The following ADGRB3 variants were observed in gnomAD, a reference collection of about 807,000 sequenced individuals.
ADGRB3 encodes the protein adhesion G protein-coupled receptor B3, also known as brain-specific angiogenesis inhibitor 3.
Under a neutral mutation model 193.4 loss-of-function variants are expected in ADGRB3, and 37 were observed. The observed-to-expected ratio is 0.19, with a 90% CI of 0.15 to 0.25. The LOEUF (loss-of-function observed/expected upper bound fraction) is 0.25. ADGRB3 is among the 10% of genes least tolerant of loss of function. The probability of loss-of-function intolerance (pLI) is 1.00; values close to 1 mark genes in which losing one functional copy is unlikely to be tolerated. For synonymous variants in ADGRB3, 690 were observed against 644.2 expected, an observed-to-expected ratio of 1.07 and a Z score of -1.08; for missense variants, 1,637 against 1,852.9, an observed-to-expected ratio of 0.88 and a Z score of 2.14.
chr6:68,927,220 A>G (rs1456995151), intron 3 of ADGRB3, among the ~76,000 whole-genome samples: 1 of 152,136 alleles, frequency 6.6e-6, no homozygotes, highest in Non-Finnish European at 1.5e-5. Context: ...CTTGCTTTCC[A>G]TTGCTTTCAC....
rs117199689 is a variant in ADGRB3 at position 69,264,836 on chromosome 6, C to T, written c.2814+25610C>T. 6.6e-5 allele frequency among the ~76,000 whole-genome samples: 10 copies of T among 152,008 alleles called. No homozygotes were observed. In the East Asian group the frequency reaches 1.9e-3, roughly 29 times the overall value. On this transcript the variant is annotated intron_variant, in intron 20 of 31. Transcript: ENST00000370598. ...TGTAAACCAGCTATTCTACAATACT[C>T]TCAGGGTTTTGTTCATTTTTGTATT...
At chr6:69,190,015 G>A (rs757392453) in intron 17 of ADGRB3, among the ~76,000 whole-genome samples, 25 of 152,016 alleles carry the variant, frequency 1.6e-4, no homozygotes, top group Non-Finnish European at 2.8e-4. Flanking sequence ...ACAAACATAC[G>A]GTATTGCCTT....
At chr6:68,855,255 A>C (rs996269958) in intron 3 of ADGRB3, among the ~76,000 whole-genome samples, 4 of 152,238 alleles carry the variant, frequency 2.6e-5, no homozygotes, top group African/African-American at 9.6e-5. Context: ...AAAGACAATA[A>C]AAACTCTGAT....
chr6:69,026,191 C>T (rs1225039617), intron 13 of ADGRB3, among the ~76,000 whole-genome samples: 1 of 152,112 alleles, frequency 6.6e-6, no homozygotes, highest in Non-Finnish European at 1.5e-5. Context: ...ATCAAACATG[C>T]CCAGTGGTTA....
chr6:69,035,973 G>A (rs1484400939), intron 13 of ADGRB3, among the ~76,000 whole-genome samples: 2 of 152,066 alleles, frequency 1.3e-5, no homozygotes. Context: ...GTTAAGCTTT[G>A]GATACATCAC....
At chr6:69,376,156 T>C (rs185157008) in intron 30 of ADGRB3, among the ~76,000 whole-genome samples, 1 of 131,766 alleles carries the variant, frequency 7.6e-6, no homozygotes, top group Non-Finnish European at 1.6e-5. Context: ...AGTGGTGCAA[T>C]CTTGGCTCAT....
chr6:69,213,596 C>T (rs992161186), intron 17 of ADGRB3, among the ~76,000 whole-genome samples: 3 of 152,150 alleles, frequency 2.0e-5, no homozygotes, highest in Non-Finnish European at 4.4e-5. Flanking sequence ...TATTTAGACT[C>T]CATCTCTAGC....
chr6:68,638,581 G>A, intron 2 of ADGRB3, 80 bp from the exon 3 acceptor site: 1 of 1,344,594 alleles, frequency 7.4e-7, no homozygotes, highest in Non-Finnish European at 1.0e-6. Flanking sequence ...AAAACAGCTG[G>A]CTGTAATATT....
intron 17 of ADGRB3, among the ~76,000 whole-genome samples, chr6:69,209,727 C>T (rs1181345045): frequency 6.6e-6 from 1 of 152,178 alleles, no homozygotes; most frequent in Non-Finnish European, 1.5e-5. Context: ...GAGAAATAGG[C>T]ATTTGCCAAG....
intron 13 of ADGRB3, among the ~76,000 whole-genome samples, chr6:69,041,908 T>C (rs534864430): frequency 6.6e-6 from 1 of 152,186 alleles, no homozygotes; most frequent in Non-Finnish European, 1.5e-5. Flanking sequence ...TTTTAAATGT[T>C]AACTAAGTGA....
intron 20 of ADGRB3, among the ~76,000 whole-genome samples, chr6:69,253,297 T>C (rs1405846714): frequency 6.6e-6 from 1 of 152,114 alleles, no homozygotes; most frequent in Non-Finnish European, 1.5e-5. Context: ...TCTAGGTTCT[T>C]TGGGTATTCA....
intron 17 of ADGRB3, among the ~76,000 whole-genome samples, chr6:69,196,629 C>T (rs1264628941): frequency 2.6e-5 from 4 of 152,024 alleles, no homozygotes; most frequent in Non-Finnish European, 5.9e-5. Context: ...TTCTAACTGC[C>T]TAATTTTAAC....
At chr6:68,936,894 T>C (rs1272532499) in intron 5 of ADGRB3, among the ~76,000 whole-genome samples, 3 of 152,238 alleles carry the variant, frequency 2.0e-5, no homozygotes, top group Non-Finnish European at 2.9e-5. Context: ...CTTTCTTCAC[T>C]GCAAATATCA....
chr6:68,887,304 C>A (rs554165036), intron 3 of ADGRB3, among the ~76,000 whole-genome samples: 8 of 152,140 alleles, frequency 5.3e-5, no homozygotes, highest in Admixed American at 3.3e-4. Context: ...GATACGTATC[C>A]TTGCAGTCTA....
intron 26 of ADGRB3, among the ~76,000 whole-genome samples, chr6:69,350,743 G>A (rs939704887): frequency 4.6e-5 from 7 of 151,930 alleles, no homozygotes; most frequent in Non-Finnish European, 8.8e-5. Flanking sequence ...GGTTGAGAAA[G>A]CAAGATCTAG....
intron 20 of ADGRB3, among the ~76,000 whole-genome samples, chr6:69,275,380 G>A (rs1313691661): frequency 6.6e-6 from 1 of 152,020 alleles, no homozygotes; most frequent in Non-Finnish European, 1.5e-5. Context: ...AAGAAAAATA[G>A]GAAAGGAGGG....
chr6:68,847,036 T>C (rs1768291283), intron 3 of ADGRB3, among the ~76,000 whole-genome samples: 1 of 152,186 alleles, frequency 6.6e-6, no homozygotes. Flanking sequence ...ATGACCTGGA[T>C]GTGAGACGTG....
At chr6:68,986,568 C>T (rs1769082702) in intron 10 of ADGRB3, among the ~76,000 whole-genome samples, 1 of 152,110 alleles carries the variant, frequency 6.6e-6, no homozygotes, top group Non-Finnish European at 1.5e-5. Flanking sequence ...CTCTATATTT[C>T]CTGGAGACTT....
intron 3 of ADGRB3, among the ~76,000 whole-genome samples, chr6:68,645,732 G>A (rs1203921620): frequency 6.6e-6 from 1 of 152,132 alleles, no homozygotes; most frequent in Non-Finnish European, 1.5e-5. Flanking sequence ...GAGTGCCATG[G>A]CGTGATCTAG....
Sources: gnomAD v4.1 joint callset for allele counts (sites outside exome capture counted in the v4.1 genomes callset) on GRCh38, gnomAD v4.1.1 for gene constraint, MANE v1.5 for transcripts, NCBI Gene and HGNC (gene_info 2026-07-23, HGNC 2026-07-21) for gene names.